Variants in CDK1 observed in about 807,000 individuals in gnomAD.
The protein encoded by CDK1 is cyclin dependent kinase 1, also known as cyclin-dependent kinase 1.
Under a neutral mutation model 34.6 loss-of-function variants are expected in CDK1, and 5 were observed. The ratio of observed to expected loss-of-function variants is 0.14; its 90% confidence interval spans 0.08 to 0.30. CDK1 has a LOEUF of 0.30. Among genes scored for constraint, CDK1 ranks in the 10% least tolerant of loss-of-function variants. CDK1 has a pLI of 1.00. For missense variants in CDK1, 157 were observed against 345.7 expected (o/e 0.45, Z 4.33); for synonymous variants, 108 against 114.7 (o/e 0.94, Z 0.37).
chr10:60,782,094 T>C (rs2080278164), intron 2 of CDK1, among the ~76,000 whole-genome samples: 4 of 152,210 alleles, frequency 2.6e-5, no homozygotes, highest in Admixed American at 1.3e-4. Context: ...TTCTGCCAGG[T>C]ATCTGGTTAA....
At chr10:60,784,422 G>A (rs962490099) in intron 2 of CDK1, among the ~76,000 whole-genome samples, 8 of 152,084 alleles carry the variant, frequency 5.3e-5, no homozygotes, top group Non-Finnish European at 1.0e-4. Flanking sequence ...TTGAGCTCAC[G>A]AGTTCCAGAC....
chr10:60,793,474 G>T (rs1207327591), intron 7 of CDK1, among the ~76,000 whole-genome samples: 4 of 151,686 alleles, frequency 2.6e-5, no homozygotes, highest in Non-Finnish European at 5.9e-5. Context: ...CTTGCTGGAA[G>T]CTACATCAGA....
At chr10:60,785,573 A>G (rs1229745395) in intron 3 of CDK1, 91 bp from the exon 4 acceptor site, 8 of 755,854 alleles carry the variant, frequency 1.1e-5, no homozygotes, top group African/African-American at 1.8e-5. Context: ...TTTTTATTAT[A>G]GCAACTGAAA....
intron 5 of CDK1, among the ~76,000 whole-genome samples, chr10:60,791,208 A>T (rs1193084872): frequency 6.6e-6 from 1 of 151,896 alleles, no homozygotes; most frequent in Non-Finnish European, 1.5e-5. Context: ...TCAATGTTTT[A>T]TAGTTTTTAG....
intron 5 of CDK1, among the ~76,000 whole-genome samples, chr10:60,791,113 G>C (rs1215912952): frequency 6.6e-6 from 1 of 152,042 alleles, no homozygotes; most frequent in Admixed American, 6.6e-5. Context: ...AGATTGCATT[G>C]GGTGGTAATA....
Position 60,793,972 on chromosome 10 carries a change from G to T in CDK1, c.891G>T (p.Met297Ile). 6.8e-7 allele frequency: 1 copy of T among 1,479,692 alleles called. No individual in the cohort carries two copies. Among genetic ancestry groups the T allele is most frequent in the African/African-American group, 1.5e-5 (1 of 67,640 alleles). The allele number at this position is 1,479,692 out of a possible 1,614,324, so 91.7% of individuals were successfully genotyped here. The part of the protein sequence containing the change: ...FNDLDNQIKK[M>I] ...ATTTGGACAATCAGATTAAGAAGAT[G>T]TAGCTTTCTGACAAAAAGTTTCCAT... is the stretch of plus-strand genomic sequence containing the variant. Residue 297 changes from methionine to isoleucine, a missense_variant, in exon 8 of 8, where the codon ATG becomes ATT. Met to Ile is a conservative substitution (Grantham distance 10). Transcript: ENST00000395284.
intron 7 of CDK1, among the ~76,000 whole-genome samples, chr10:60,793,448 A>C (rs2080375275): frequency 6.6e-6 from 1 of 152,038 alleles, no homozygotes; most frequent in Non-Finnish European, 1.5e-5. Flanking sequence ...ACATTGTGCT[A>C]TGGGGGGTTT....
rs3213048 is a variant in CDK1, at chr10:60,785,509, T to C, written c.195-155T>C. Among the ~76,000 whole-genome samples, 3,480 of 152,292 alleles carry C rather than the reference T, an allele frequency of 0.023. 323 individuals carry two copies. In the East Asian group the frequency reaches 0.32, roughly 14 times the overall value. On this transcript the variant is annotated intron_variant, in intron 3 of 7. Coordinates refer to ENST00000395284, the MANE Select transcript of CDK1 (RefSeq NM_001786.5). ...AAATAGTTGCCCTGAGATTCCTTTC[T>C]TAAATTTGAGTTTTGAGTCTCTTCC...
chr10:60,788,235 G>GATCTCCAGAAGTAT lies in CDK1; in HGVS notation c.489+5_489+6insATCTCCAGAAGTAT. ...ATCAGAGTATATACACATGAGGCAA[G>GATCTCCAGAAGTAT]TGGAATAGTGGTTTTTGATGGCTTT... On this transcript the variant is annotated splice_donor_region_variant and intron_variant, in intron 5 of 7. Transcript: ENST00000395284. 1.3e-6 allele frequency: 2 copies of GATCTCCAGAAGTAT among 1,562,622 alleles called. No homozygotes were observed. The highest frequency in any genetic ancestry group is 1.9e-5 in the Admixed American group (1 of 53,000).
chr10:60,781,417 T>G (rs1215480077), intron 2 of CDK1, among the ~76,000 whole-genome samples: 1 of 152,200 alleles, frequency 6.6e-6, no homozygotes, highest in African/African-American at 2.4e-5. Context: ...GTGACAGTGG[T>G]AAACCCTCTT....
intron 2 of CDK1, chr10:60,783,439 A>G (rs1414268008): frequency 1.3e-5 from 2 of 152,206 alleles, no homozygotes; most frequent in African/African-American, 4.8e-5. Context: ...TTTTTTAACC[A>G]AGCAGTTGGT....
intron 2 of CDK1, among the ~76,000 whole-genome samples, chr10:60,781,394 T>C (rs1440060222): frequency 2.6e-5 from 4 of 152,224 alleles, no homozygotes; most frequent in Admixed American, 1.3e-4. Context: ...TTCCATTCTT[T>C]ATTTCTAGCA....
At chr10:60,787,258 T>C (rs2080323950) in intron 4 of CDK1, among the ~76,000 whole-genome samples, 2 of 152,096 alleles carry the variant, frequency 1.3e-5, no homozygotes, top group South Asian at 4.1e-4. Context: ...TATTCAACAC[T>C]TCCAACTATA....
Position 60,788,123 on chromosome 10 carries a change from G to T in CDK1, c.382G>T (p.Asp128Tyr). ...TCACTCTAGAAGAGTTCTTCACAGA[G>T]ACTTAAAACCTCAAAATCTCTTGAT... The part of the protein sequence containing the change: ...FCHSRRVLHR[D>Y]LKPQNLLIDD... The change falls in exon 5 of 8, where the codon GAC becomes TAC. Residue 128 changes from aspartate to tyrosine, a missense_variant. By Grantham distance (160) the Asp-to-Tyr change is radical. Transcript: ENST00000395284. The T allele has an allele frequency of 6.2e-7, 1 of 1,607,988 alleles. No homozygotes were observed. Among genetic ancestry groups the T allele is most frequent in the South Asian group, 1.1e-5 (1 of 90,496 alleles).
rs912715782 is a variant in CDK1, at chr10:60,786,191, T to C, written c.318+404T>C. The C allele has an allele frequency of 5.6e-6, 5 of 899,032 alleles. No homozygotes were observed. The Admixed American group carries it at 1.9e-4, about 33-fold the overall frequency. 55.7% of individuals were successfully genotyped at this position (899,032 alleles called of 1,614,324 possible). A position where few individuals can be genotyped will look rare whatever the true frequency, so the allele number is the denominator to read the frequency against. ...ATTATATTTCAGGTAAATTATAAAA[T>C]TGTATAGTTTTAAGTACTGAAGTAT... On this transcript the variant is annotated intron_variant, in intron 4 of 7. Coordinates refer to ENST00000395284, the MANE Select transcript of CDK1 (RefSeq NM_001786.5).
chr10:60,786,088 A>G, intron 4 of CDK1: 2 of 1,025,476 alleles, frequency 2.0e-6, no homozygotes, highest in Non-Finnish European at 2.3e-6. Flanking sequence ...AAAGTAATGA[A>G]AGCCTAGGGC....
chr10:60,790,627 C>T (rs1296437654), intron 5 of CDK1, among the ~76,000 whole-genome samples: 3 of 152,128 alleles, frequency 2.0e-5, no homozygotes, highest in African/African-American at 7.2e-5. Flanking sequence ...ATATCAATAA[C>T]AGTGTTTCCT....
At chr10:60,779,280 G>A (rs931473899) in intron 1 of CDK1, among the ~76,000 whole-genome samples, 5 of 152,196 alleles carry the variant, frequency 3.3e-5, no homozygotes, top group African/African-American at 1.2e-4. Flanking sequence ...CTTTATAAAT[G>A]ATTTTATCAT....
intron 4 of CDK1, chr10:60,786,365 A>G: frequency 2.5e-6 from 2 of 792,084 alleles, no homozygotes; most frequent in Non-Finnish European, 3.1e-6. Context: ...ACTTATTTGC[A>G]TATGTATATA....
Sources: gnomAD v4.1 joint callset for allele counts (sites outside exome capture counted in the v4.1 genomes callset) on GRCh38, gnomAD v4.1.1 for gene constraint, MANE v1.5 for transcripts, NCBI Gene and HGNC (gene_info 2026-07-23, HGNC 2026-07-21) for gene names.